U2AF2: variants seen among roughly 807,000 people sequenced by gnomAD.
The protein encoded by U2AF2 is U2 small nuclear RNA auxiliary factor 2.
A neutral mutation model predicts 52.6 loss-of-function variants in U2AF2; 6 were observed. That is an observed-to-expected ratio of 0.11 (90% CI 0.06 to 0.23). The LOEUF (loss-of-function observed/expected upper bound fraction) is 0.23. Ranked by LOEUF, U2AF2 falls within the 10% of genes least tolerant of loss-of-function variation. The probability of loss-of-function intolerance (pLI) is 1.00; values close to 1 mark genes in which losing one functional copy is unlikely to be tolerated. For missense variants in U2AF2, 222 were observed against 677.1 expected (o/e 0.33, Z 7.46); for synonymous variants, 284 against 258.2 (o/e 1.10, Z -0.96).
chr19:55,669,290 G>A (rs1329350573), intron 10 of U2AF2, 109 bp downstream of exon 10: 2 of 1,554,068 alleles, frequency 1.3e-6, no homozygotes, highest in Non-Finnish European at 1.7e-6. Flanking sequence ...GGCATTTGGG[G>A]GGCATTCAGT....
chr19:55,667,009 C>A (rs546091485), intron 7 of U2AF2, among the ~76,000 whole-genome samples: 1 of 152,268 alleles, frequency 6.6e-6, no homozygotes, highest in South Asian at 2.1e-4. Flanking sequence ...GATGCCTGGC[C>A]CATGGGGTGA....
At position 55,669,063 on chromosome 19, in the gene U2AF2, C is replaced by T; in HGVS notation, c.946-20C>T. 6.2e-7 allele frequency: 1 copy of T among 1,609,482 alleles called. No individual in the cohort carries two copies. Among genetic ancestry groups the T allele is most frequent in the South Asian group, 1.1e-5 (1 of 90,950 alleles). ...CCCACCTCTCCCCGCACCCCCCGAC[C>T]CCTCATCCTCCAAACACAGGCCATT... is the stretch of plus-strand genomic sequence containing the variant. On this transcript the variant is annotated intron_variant, in intron 9 of 11. Coordinates refer to ENST00000308924, the MANE Select transcript of U2AF2 (RefSeq NM_007279.3).
chr19:55,673,634 C>T (rs888825929), intron 11 of U2AF2, among the ~76,000 whole-genome samples: 2 of 152,214 alleles, frequency 1.3e-5, no homozygotes, highest in Non-Finnish European at 2.9e-5. Flanking sequence ...AGGGACCCCT[C>T]CCCCGCGGTG....
At chr19:55,669,379 G>C in intron 10 of U2AF2, 65 bp from the exon 11 acceptor site, 1 of 1,555,510 alleles carries the variant, frequency 6.4e-7, no homozygotes, top group Non-Finnish European at 8.7e-7. Flanking sequence ...GAGGGGCCTA[G>C]GCTTGAGCAG....
intron 11 of U2AF2, among the ~76,000 whole-genome samples, chr19:55,672,793 C>T (rs1324255966): frequency 6.6e-6 from 1 of 151,500 alleles, no homozygotes; most frequent in East Asian, 1.9e-4. Flanking sequence ...GTGTGCCCGC[C>T]ACCACACCTG....
At chr19:55,669,834 C>T (rs534517016) in intron 11 of U2AF2, 142 bp downstream of exon 11, 20 of 1,312,790 alleles carry the variant, frequency 1.5e-5, no homozygotes, top group Middle Eastern at 2.7e-4. Context: ...CCTCTCGCAG[C>T]GCGTGCGTAT....
At chr19:55,669,829 C>CG in intron 11 of U2AF2, 137 bp downstream of exon 11, 1 of 1,332,208 alleles carries the variant, frequency 7.5e-7, no homozygotes, top group Non-Finnish European at 1.0e-6. Context: ...TCTCTCCTCT[C>CG]GCAGCGCGTG....
intron 1 of U2AF2, among the ~76,000 whole-genome samples, chr19:55,657,862 C>CTTACCCA (rs1460670765): frequency 5.9e-5 from 9 of 152,114 alleles, no homozygotes; most frequent in African/African-American, 2.2e-4. Flanking sequence ...CTCTCTATAC[C>CTTACCCA]TTAGTTTCCT....
chr19:55,664,764 C>T (rs542638983), intron 7 of U2AF2, among the ~76,000 whole-genome samples: 2 of 152,266 alleles, frequency 1.3e-5, no homozygotes, highest in African/African-American at 4.8e-5. Flanking sequence ...GTCACCCAGG[C>T]TGGAATGCAG....
chr19:55,670,489 A>C, intron 11 of U2AF2: 1 of 373,776 alleles, frequency 2.7e-6, no homozygotes, highest in Non-Finnish European at 5.5e-6. Flanking sequence ...CTGTCCGTGC[A>C]CCCTGCTGTC....
chr19:55,655,904 T>C (rs1361335179), intron 1 of U2AF2, among the ~76,000 whole-genome samples: 6 of 152,166 alleles, frequency 3.9e-5, no homozygotes. Flanking sequence ...ATGGAGTGTT[T>C]GAGACAAACC....
intron 5 of U2AF2, 175 bp downstream of exon 5, chr19:55,661,364 G>A (rs1984178976): frequency 1.6e-6 from 1 of 617,498 alleles, no homozygotes; most frequent in Non-Finnish European, 2.5e-6. Flanking sequence ...GCTGGGGGTG[G>A]CCCTCCCTCC....
rs1193461544 is a variant in U2AF2, at chr19:55,673,949, A to G, written c.1309A>G (p.Thr437Ala). 1.2e-6 allele frequency: 2 copies of G among 1,611,646 alleles called. No homozygotes were observed. Among genetic ancestry groups the G allele is most frequent in the Non-Finnish European group, 1.7e-6 (2 of 1,179,176 alleles). ...PGCGKIFVEF[T>A]SVFDCQKAMQ... ...TTCCCCACAGATCTTTGTGGAGTTC[A>G]CCTCTGTGTTTGACTGCCAGAAAGC... is the stretch of plus-strand genomic sequence containing the variant. Residue 437 changes from threonine (T) to alanine (A), a missense_variant, in exon 12 of 12, where the codon ACC becomes GCC. By Grantham distance (58) the Thr-to-Ala change is moderately conservative. This residue lies in a region of U2AF2 where 71 missense variants were observed against 180.6 expected (regional missense o/e 0.39). Coordinates refer to ENST00000308924, the MANE Select transcript of U2AF2 (RefSeq NM_007279.3).
At chr19:55,665,999 C>T (rs949261387) in intron 7 of U2AF2, among the ~76,000 whole-genome samples, 4 of 152,230 alleles carry the variant, frequency 2.6e-5, no homozygotes, top group Admixed American at 6.5e-5. Context: ...CACTGTGCAG[C>T]GCCTCCTTCC....
intron 1 of U2AF2, among the ~76,000 whole-genome samples, chr19:55,655,948 T>C (rs1241075759): frequency 1.3e-5 from 2 of 152,162 alleles, no homozygotes; most frequent in Non-Finnish European, 2.9e-5. Flanking sequence ...TCAGGGCACC[T>C]GATAATACTC....
At chr19:55,666,015 AG>A (rs1984527665) in intron 7 of U2AF2, among the ~76,000 whole-genome samples, 1 of 152,210 alleles carries the variant, frequency 6.6e-6, no homozygotes, top group African/African-American at 2.4e-5. Flanking sequence ...CTTCCTGGGT[AG>A]GGACGTGTGG....
rs565197767 is a variant in U2AF2 at position 55,655,169 on chromosome 19, T to G, written c.49+16T>G. The G allele has an allele frequency of 9.6e-5, 154 of 1,601,074 alleles. No individual in the cohort carries two copies. In the South Asian group the frequency reaches 1.6e-3, roughly 16 times the overall value. Reference sequence around the variant, plus strand: ...AATAAACAAGGTGAGGGCACCGGGGTCGCGGGGCGGAGGTGTGGGCGGCTC... The same window carrying G: ...AATAAACAAGGTGAGGGCACCGGGGGCGCGGGGCGGAGGTGTGGGCGGCTC... On this transcript the variant is annotated intron_variant, in intron 1 of 11. Coordinates refer to ENST00000308924, the MANE Select transcript of U2AF2 (RefSeq NM_007279.3).
intron 6 of U2AF2, among the ~76,000 whole-genome samples, chr19:55,662,874 C>T (rs779424248): frequency 1.3e-5 from 2 of 152,054 alleles, no homozygotes; most frequent in Admixed American, 6.6e-5. Context: ...CAGACCATTC[C>T]GGCCCAGTCC....
intron 1 of U2AF2, among the ~76,000 whole-genome samples, chr19:55,657,824 C>T (rs961710432): frequency 6.6e-6 from 1 of 152,200 alleles, no homozygotes; most frequent in Non-Finnish European, 1.5e-5. Flanking sequence ...TCACCATTTC[C>T]TAGCTGTTTG....
Sources: gnomAD v4.1 joint callset for allele counts (sites outside exome capture counted in the v4.1 genomes callset) on GRCh38, gnomAD v4.1.1 for gene constraint, gnomAD v4.1.1 regional missense constraint, MANE v1.5 for transcripts, NCBI Gene and HGNC (gene_info 2026-07-23, HGNC 2026-07-21) for gene names.